PCDHA7: variants seen among roughly 807,000 people sequenced by gnomAD.
The protein encoded by PCDHA7 is protocadherin alpha 7.
Under a neutral mutation model 57.2 loss-of-function variants are expected in PCDHA7, and 37 were observed. The observed-to-expected ratio is 0.65, with a 90% CI of 0.50 to 0.85. The LOEUF is 0.85. Ranked by LOEUF, PCDHA7 falls within the 40% of genes least tolerant of loss-of-function variation. The pLI, the probability that PCDHA7 is intolerant of heterozygous loss-of-function variation, is 0.00. For missense variants in PCDHA7, 1,188 were observed against 1,241.8 expected (o/e 0.96, Z 0.65); for synonymous variants, 553 against 558.8 (o/e 0.99, Z 0.15).
intron 1 of PCDHA7, chr5:140,841,826 A>T: frequency 6.2e-7 from 1 of 1,613,900 alleles, no homozygotes; most frequent in Non-Finnish European, 8.5e-7. Flanking sequence ...CTCCGTGTTA[A>T]CCTACAGGCT....
chr5:140,891,133 A>AAAGGT (rs1241650823), intron 1 of PCDHA7, among the ~76,000 whole-genome samples: 2 of 152,106 alleles, frequency 1.3e-5, no homozygotes, highest in Non-Finnish European at 1.5e-5. Context: ...TCATTCCTTT[A>AAAGGT]AAGGTATTCT....
At chr5:140,976,232 G>C (rs2096707189) in intron 1 of PCDHA7, among the ~76,000 whole-genome samples, 1 of 152,098 alleles carries the variant, frequency 6.6e-6, no homozygotes, top group Non-Finnish European at 1.5e-5. Flanking sequence ...AAAAATATAT[G>C]TCATTTCATG....
chr5:140,968,008 C>T, intron 1 of PCDHA7: 1 of 1,614,202 alleles, frequency 6.2e-7, no homozygotes, highest in Non-Finnish European at 8.5e-7. Flanking sequence ...GACTGAATGG[C>T]TTTGGAAACT....
At chr5:141,001,333 T>G (rs1554258097) in intron 3 of PCDHA7, among the ~76,000 whole-genome samples, 1 of 152,178 alleles carries the variant, frequency 6.6e-6, no homozygotes, top group African/African-American at 2.4e-5. Context: ...TCACCATAAT[T>G]TACATGATGT....
At chr5:140,865,937 T>C (rs529378074) in intron 1 of PCDHA7, 1 of 152,212 alleles carries the variant, frequency 6.6e-6, no homozygotes, top group Admixed American at 6.5e-5. Context: ...AGAAACTTCA[T>C]GATTGTCTTC....
Position 140,929,271 on chromosome 5 carries a change from A to G in PCDHA7, c.2356-49678A>G, listed in dbSNP as rs782266407. 9.9e-6 allele frequency: 16 copies of G among 1,610,716 alleles called. No individual in the cohort carries two copies. In the Admixed American group the frequency reaches 2.7e-4, roughly 27 times the overall value. On this transcript the variant is annotated intron_variant, in intron 1 of 3. Transcript: ENST00000525929. ...CTGGGGTAGGACTGAATTTGCCAAT[A>G]TCCTGTATTCAGATTCGGAATAGGA...
chr5:140,875,485 G>C (rs367652529), intron 1 of PCDHA7: 10 of 1,611,542 alleles, frequency 6.2e-6, no homozygotes, highest in Non-Finnish European at 7.6e-6. Context: ...GGTGATTATC[G>C]GACCAAGAGG....
intron 1 of PCDHA7, chr5:140,883,107 C>T: frequency 6.2e-7 from 1 of 1,614,064 alleles, no homozygotes. Context: ...ATAGTTTACT[C>T]ATTTAGAAGG....
At position 140,916,114 on chromosome 5, in the gene PCDHA7, G is replaced by A. The variant is rs533496476; in HGVS notation, c.2356-62835G>A. On this transcript the variant is annotated intron_variant, in intron 1 of 3. Transcript: ENST00000525929. ...GGGAATCTGCCTGGCCACTGCTGAT[G>A]TTCACTTAAAGCTTAAGGGCTGTTC... 5.9e-5 allele frequency among the ~76,000 whole-genome samples: 9 copies of A among 152,238 alleles called. No homozygotes were observed. In the East Asian group the frequency reaches 1.7e-3, roughly 29 times the overall value.
At chr5:140,995,936 T>C (rs1554254905) in intron 3 of PCDHA7, among the ~76,000 whole-genome samples, 1 of 152,220 alleles carries the variant, frequency 6.6e-6, no homozygotes, top group Non-Finnish European at 1.5e-5. Context: ...AAGTATTAAA[T>C]GACATAATGC....
intron 1 of PCDHA7, chr5:140,883,371 T>C (rs2059578130): frequency 1.2e-6 from 2 of 1,614,152 alleles, no homozygotes; most frequent in East Asian, 4.5e-5. Flanking sequence ...CCTAGCGCCA[T>C]TATTGCCCTA....
chr5:140,871,284 T>C (rs2052909297), intron 1 of PCDHA7: 1 of 1,613,778 alleles, frequency 6.2e-7, no homozygotes, highest in African/African-American at 1.3e-5. Flanking sequence ...CAACGCCCAC[T>C]GAGGGCGCGT....
intron 1 of PCDHA7, among the ~76,000 whole-genome samples, chr5:140,909,996 T>C (rs549464312): frequency 1.3e-5 from 2 of 152,192 alleles, no homozygotes; most frequent in African/African-American, 4.8e-5. Context: ...ACAGCATAAA[T>C]TGTTGTCAGT....
chr5:140,948,885 T>C (rs2094319889), intron 1 of PCDHA7, among the ~76,000 whole-genome samples: 1 of 151,652 alleles, frequency 6.6e-6, no homozygotes, highest in Non-Finnish European at 1.5e-5. Context: ...TTGCTCTCTT[T>C]TAGATTTTAA....
intron 1 of PCDHA7, among the ~76,000 whole-genome samples, chr5:140,838,085 T>TA (rs1554136878): frequency 2.0e-4 from 13 of 64,188 alleles, no homozygotes; most frequent in African/African-American, 3.3e-4. Context: ...ATAGTGTGTG[T>TA]GTGTGTGTGT....
At position 141,003,207 on chromosome 5, in the gene PCDHA7, T is replaced by C. The variant is rs141066841; in HGVS notation, c.2504-6420T>C. On this transcript the variant is annotated intron_variant, in intron 3 of 3. Coordinates refer to ENST00000525929, the MANE Select transcript of PCDHA7 (RefSeq NM_018910.3). Reference sequence around the variant, plus strand: ...CATCAACTCAGGCAGCCAGGGTTAGTTTAGCATGAAAGAGGAAAGCTGGAA... The same window carrying C: ...CATCAACTCAGGCAGCCAGGGTTAGCTTAGCATGAAAGAGGAAAGCTGGAA... Among the ~76,000 whole-genome samples the C allele has an allele frequency of 6.3e-3, 959 of 152,338 alleles. 16 individuals carry two copies. The highest frequency in any genetic ancestry group is 0.021 in the African/African-American group (892 of 41,582).
At chr5:140,870,886 G>A (rs17844350) in intron 1 of PCDHA7, 1 of 1,613,944 alleles carries the variant, frequency 6.2e-7, no homozygotes, top group East Asian at 2.2e-5. Flanking sequence ...GAAGGTGCGC[G>A]CAGTGGATGC....
At chr5:140,932,091 T>G (rs904157159) in intron 1 of PCDHA7, among the ~76,000 whole-genome samples, 1 of 151,872 alleles carries the variant, frequency 6.6e-6, no homozygotes, top group Non-Finnish European at 1.5e-5. Context: ...GAAAACATGG[T>G]TTTTATCTCT....
At position 140,849,878 on chromosome 5, in the gene PCDHA7, G is replaced by A. The variant is rs2150455933; in HGVS notation, c.2355+13140G>A. On this transcript the variant is annotated intron_variant, in intron 1 of 3. Transcript: ENST00000525929. ...CAGCGTTCGCGCAGTCCGAGTACACGGTGTTCGTGAAGGAGAACAACCCGC... is the reference window on the plus strand; with the variant it reads ...CAGCGTTCGCGCAGTCCGAGTACACAGTGTTCGTGAAGGAGAACAACCCGC... The A allele has an allele frequency of 1.1e-5, 17 of 1,598,602 alleles. 2 individuals are homozygous for A. The Middle Eastern group carries it at 5.1e-4, about 48-fold the overall frequency.
Sources: allele counts gnomAD v4.1 joint callset (sites outside exome capture counted in the v4.1 genomes callset), GRCh38; gene constraint gnomAD v4.1.1; transcripts MANE v1.5; gene names NCBI Gene and HGNC (gene_info 2026-07-23, HGNC 2026-07-21).